Variants in PPP2R2B observed in about 807,000 individuals in gnomAD.
PPP2R2B encodes serine/threonine-protein phosphatase 2A 55 kDa regulatory subunit B beta isoform.
Under a neutral mutation model 46.0 loss-of-function variants are expected in PPP2R2B, and 5 were observed. The observed-to-expected ratio is 0.11, with a 90% CI of 0.06 to 0.23. The LOEUF is 0.23. PPP2R2B is among the 10% of genes least tolerant of loss of function. PPP2R2B has a pLI of 1.00. For missense variants in PPP2R2B, 367 were observed against 575.0 expected (o/e 0.64, Z 3.70); for synonymous variants, 215 against 206.7 (o/e 1.04, Z -0.34).
At chr5:146,694,974 G>T (rs1362956610) in intron 4 of PPP2R2B, among the ~76,000 whole-genome samples, 1 of 151,960 alleles carries the variant, frequency 6.6e-6, no homozygotes, top group Non-Finnish European at 1.5e-5. Flanking sequence ...TTGCATATAT[G>T]ATTTATAATA....
chr5:146,878,391 G>C lies in PPP2R2B; in HGVS notation c.-124-196C>G. ...GCCAAGATACGCCGTGCCCCGAGGG[G>C]TCTGGTCCCGCCCGCCCGCCCCGGA... On this transcript the variant is annotated intron_variant, in intron 1 of 9. Coordinates refer to ENST00000394411, the MANE Select transcript of PPP2R2B (RefSeq NM_181675.4). This position sits in a 1 kb window ranked among gnomAD's most constrained non-coding sequence, Gnocchi z 4.5. 10 of 1,429,930 alleles carry C rather than the reference G, an allele frequency of 7.0e-6. No homozygotes were observed. Among genetic ancestry groups the C allele is most frequent in the Non-Finnish European group, 9.1e-6 (10 of 1,097,754 alleles). 88.6% of individuals were successfully genotyped at this position (1,429,930 alleles called of 1,614,324 possible).
chr5:146,666,334 C>A (rs1362091638), intron 5 of PPP2R2B, among the ~76,000 whole-genome samples: 1 of 152,070 alleles, frequency 6.6e-6, no homozygotes, highest in Non-Finnish European at 1.5e-5. Flanking sequence ...CCTTAGTTAC[C>A]CTGAGATATG....
intron 7 of PPP2R2B, among the ~76,000 whole-genome samples, chr5:146,608,724 G>A (rs1207033965): frequency 6.6e-6 from 1 of 152,148 alleles, no homozygotes; most frequent in Non-Finnish European, 1.5e-5. Context: ...GGCGGAGGTT[G>A]CAGTGAGCCA....
At chr5:146,900,679 G>T (rs1762806021) in intron 1 of PPP2R2B, among the ~76,000 whole-genome samples, 2 of 151,032 alleles carry the variant, frequency 1.3e-5, no homozygotes, top group African/African-American at 2.4e-5. Flanking sequence ...GTGCAGGTTT[G>T]TTACTTAGGT....
intron 8 of PPP2R2B, among the ~76,000 whole-genome samples, chr5:146,596,322 T>C (rs1771166070): frequency 6.6e-6 from 1 of 152,244 alleles, no homozygotes; most frequent in Non-Finnish European, 1.5e-5. Context: ...AAATGTATAA[T>C]AGTAGCATTA....
chr5:146,896,253 G>T (rs1044415518), intron 1 of PPP2R2B, among the ~76,000 whole-genome samples: 5 of 152,086 alleles, frequency 3.3e-5, no homozygotes, highest in African/African-American at 1.2e-4. Flanking sequence ...CAAGTACCAG[G>T]TATTATGCAT....
At chr5:146,852,874 A>G (rs1760433436) in intron 2 of PPP2R2B, among the ~76,000 whole-genome samples, 1 of 152,152 alleles carries the variant, frequency 6.6e-6, no homozygotes, top group South Asian at 2.1e-4. Flanking sequence ...AGTAGAGAGT[A>G]TGTATACCTG....
At chr5:146,590,800 T>G (rs1429668926) in intron 9 of PPP2R2B, among the ~76,000 whole-genome samples, 1 of 152,126 alleles carries the variant, frequency 6.6e-6, no homozygotes, top group African/African-American at 2.4e-5. Context: ...GAATTCGGCC[T>G]TTTTAGAAAA....
At chr5:146,753,407 T>C (rs778263151) in intron 2 of PPP2R2B, among the ~76,000 whole-genome samples, 1 of 152,178 alleles carries the variant, frequency 6.6e-6, no homozygotes, top group Non-Finnish European at 1.5e-5. Flanking sequence ...TAAGTTTGTA[T>C]TGAATAAATA....
At chr5:146,974,813 T>C (rs1752824610) in intron 1 of PPP2R2B, among the ~76,000 whole-genome samples, 1 of 151,622 alleles carries the variant, frequency 6.6e-6, no homozygotes, top group Non-Finnish European at 1.5e-5. Context: ...CTCAACTTCC[T>C]GAGTAGCTGG....
chr5:146,651,327 G>C (rs1441257216), intron 5 of PPP2R2B, among the ~76,000 whole-genome samples: 1 of 152,116 alleles, frequency 6.6e-6, no homozygotes, highest in African/African-American at 2.4e-5. Flanking sequence ...ATTTGTCTTA[G>C]AGTGCGAACC....
chr5:146,859,949 T>C (rs1760889619), intron 2 of PPP2R2B, among the ~76,000 whole-genome samples: 1 of 152,158 alleles, frequency 6.6e-6, no homozygotes. Flanking sequence ...CTTGGAGAGA[T>C]GAAGAAAATA....
intron 2 of PPP2R2B, chr5:146,706,793 C>T (rs1057290411): frequency 1.2e-6 from 1 of 843,444 alleles, no homozygotes. Flanking sequence ...GGCCTCAGCC[C>T]GACTGCGGTT....
intron 1 of PPP2R2B, among the ~76,000 whole-genome samples, chr5:146,917,632 G>A (rs1378784696): frequency 6.6e-6 from 1 of 152,126 alleles, no homozygotes. Context: ...TATAAATAAG[G>A]TGGGTTACAA....
chr5:146,688,855 G>A (rs1377900989), intron 5 of PPP2R2B, among the ~76,000 whole-genome samples: 1 of 152,104 alleles, frequency 6.6e-6, no homozygotes, highest in Non-Finnish European at 1.5e-5. Context: ...CAAGGGCAAG[G>A]TAAAGTCTGG....
At chr5:146,621,089 G>GGCAGCC (rs1773652621) in intron 7 of PPP2R2B, among the ~76,000 whole-genome samples, 1 of 152,218 alleles carries the variant, frequency 6.6e-6, no homozygotes, top group South Asian at 2.1e-4. Flanking sequence ...GCCCATCTTG[G>GGCAGCC]CATGGGCCAA....
At chr5:146,609,356 A>G (rs572102201) in intron 7 of PPP2R2B, among the ~76,000 whole-genome samples, 1 of 152,386 alleles carries the variant, frequency 6.6e-6, no homozygotes, top group Non-Finnish European at 1.5e-5. Context: ...TAGATAGAGC[A>G]ATCAGACAAA....
chr5:146,809,013 C>T, intron 2 of PPP2R2B, among the ~76,000 whole-genome samples: 1 of 150,678 alleles, frequency 6.6e-6, no homozygotes, highest in Non-Finnish European at 1.5e-5. Context: ...ACCCACTTCT[C>T]CAGTGATGAA....
chr5:146,615,152 C>T lies in PPP2R2B; in HGVS notation c.791-14692G>A, dbSNP rs1481027238. Among the ~76,000 whole-genome samples, 121 of 52,042 alleles carry T rather than the reference C, an allele frequency of 2.3e-3. 2 individuals are homozygous for T. Among genetic ancestry groups the T allele is most frequent in the Non-Finnish European group, 2.5e-3 (78 of 31,620 alleles). 34.1% of individuals were successfully genotyped at this position (52,042 alleles called of 152,430 possible). ...ATTAAGAAAATGTGGCACATATACA[C>T]CATGGAATACTATGCAGCCATAAAA... On this transcript the variant is annotated intron_variant, in intron 7 of 9. Transcript: ENST00000394411.
Sources: allele counts gnomAD v4.1 joint callset (sites outside exome capture counted in the v4.1 genomes callset), GRCh38; gene constraint gnomAD v4.1.1; non-coding constraint Gnocchi (gnomAD v3.1); transcripts MANE v1.5; gene names NCBI Gene and HGNC (gene_info 2026-07-23, HGNC 2026-07-21).